CNTNAP2: variants seen among roughly 807,000 people sequenced by gnomAD.
The protein encoded by CNTNAP2 is contactin associated protein 2, also known as contactin-associated protein-like 2.
A neutral mutation model predicts 155.2 loss-of-function variants in CNTNAP2; 98 were observed. That is an observed-to-expected ratio of 0.63 (90% CI 0.54 to 0.75). CNTNAP2 has a LOEUF of 0.75. Among genes scored for constraint, CNTNAP2 ranks in the 30% least tolerant of loss-of-function variants. CNTNAP2 has a pLI of 0.00. For missense variants in CNTNAP2, 1,727 were observed against 1,688.1 expected (o/e 1.02, Z -0.40); for synonymous variants, 651 against 631.2 (o/e 1.03, Z -0.47).
intron 1 of CNTNAP2, among the ~76,000 whole-genome samples, chr7:146,730,186 A>G (rs561734092): frequency 1.3e-5 from 2 of 152,338 alleles, no homozygotes; most frequent in African/African-American, 2.4e-5. Flanking sequence ...GATGAAAATA[A>G]TATATCTAAC....
chr7:147,539,340 C>T (rs1210590193), intron 11 of CNTNAP2, among the ~76,000 whole-genome samples: 1 of 152,076 alleles, frequency 6.6e-6, no homozygotes, highest in Non-Finnish European at 1.5e-5. Flanking sequence ...GTGCTATTCC[C>T]CTTCTACAGA....
chr7:146,415,703 T>TA (rs965886013), intron 1 of CNTNAP2, among the ~76,000 whole-genome samples: 3 of 150,738 alleles, frequency 2.0e-5, no homozygotes, highest in East Asian at 3.9e-4. Context: ...TAAAAAAATT[T>TA]AAAAAAAATT....
At chr7:148,031,396 C>A (rs1001630903) in intron 15 of CNTNAP2, among the ~76,000 whole-genome samples, 1 of 152,168 alleles carries the variant, frequency 6.6e-6, no homozygotes, top group Admixed American at 6.5e-5. Context: ...CTTAAAGCCT[C>A]CTTGGTCAAC....
At chr7:147,211,098 ATGTAT>A (rs1395528804) in intron 8 of CNTNAP2, among the ~76,000 whole-genome samples, 2 of 151,454 alleles carry the variant, frequency 1.3e-5, no homozygotes, top group African/African-American at 4.9e-5. Flanking sequence ...GCAGATGATA[ATGTAT>A]TGTATAGTTG....
At chr7:147,917,399 G>A (rs1402992790) in intron 14 of CNTNAP2, among the ~76,000 whole-genome samples, 4 of 152,188 alleles carry the variant, frequency 2.6e-5, no homozygotes. Flanking sequence ...TGCATGTAAA[G>A]GAAGTCCAGG....
rs147654360 is a variant in CNTNAP2 at position 147,682,654 on chromosome 7, A to G, written c.2098+43348A>G. ...ATTGGGACTCTTACATTTACAGCTC[A>G]CACACATCACACCCAAGCACACGTT... On this transcript the variant is annotated intron_variant, in intron 13 of 23. Coordinates refer to ENST00000361727, the MANE Select transcript of CNTNAP2 (RefSeq NM_014141.6). Among the ~76,000 whole-genome samples, 3 of 151,922 alleles carry G rather than the reference A, an allele frequency of 2.0e-5. No individual in the cohort carries two copies. The East Asian group carries it at 5.8e-4, about 29-fold the overall frequency.
At chr7:146,588,552 G>A (rs2129149040) in intron 1 of CNTNAP2, among the ~76,000 whole-genome samples, 1 of 151,052 alleles carries the variant, frequency 6.6e-6, no homozygotes. Flanking sequence ...TGTCAATCAG[G>A]CTGAGGTGCA....
intron 1 of CNTNAP2, among the ~76,000 whole-genome samples, chr7:146,307,995 A>C (rs1358191810): frequency 6.6e-6 from 1 of 152,208 alleles, no homozygotes; most frequent in Non-Finnish European, 1.5e-5. Flanking sequence ...ATTAAACTAA[A>C]GAGCTTCTGC....
intron 1 of CNTNAP2, among the ~76,000 whole-genome samples, chr7:146,376,701 A>C (rs1290628830): frequency 6.6e-6 from 1 of 152,162 alleles, no homozygotes; most frequent in Non-Finnish European, 1.5e-5. Context: ...CATGTGTCTC[A>C]TCCAAATCTC....
At chr7:148,112,415 GTATTATTATTATTAT>G (rs34816770) in intron 15 of CNTNAP2, among the ~76,000 whole-genome samples, 1 of 148,566 alleles carries the variant, frequency 6.7e-6, no homozygotes, top group African/African-American at 2.5e-5. Flanking sequence ...CTAAATTTTA[GTATTATTATTATTAT>G]TATTATTATT....
At chr7:147,913,371 A>C (rs555197713) in intron 14 of CNTNAP2, among the ~76,000 whole-genome samples, 44 of 152,348 alleles carry the variant, frequency 2.9e-4, no homozygotes, top group Admixed American at 1.7e-3. Flanking sequence ...GAAAAGCCAC[A>C]AAAGTGATCT....
At chr7:147,247,904 G>A (rs1804100713) in intron 8 of CNTNAP2, among the ~76,000 whole-genome samples, 2 of 151,994 alleles carry the variant, frequency 1.3e-5, no homozygotes, top group Admixed American at 6.6e-5. Context: ...TCAGTTTTAG[G>A]TATATAGAAA....
intron 1 of CNTNAP2, among the ~76,000 whole-genome samples, chr7:146,254,988 T>C (rs1799816071): frequency 6.6e-6 from 1 of 152,026 alleles, no homozygotes; most frequent in Non-Finnish European, 1.5e-5. Flanking sequence ...GATTGCATGA[T>C]ATCAGAATGG....
intron 14 of CNTNAP2, among the ~76,000 whole-genome samples, chr7:147,929,688 C>A (rs999133838): frequency 4.6e-5 from 7 of 152,118 alleles, no homozygotes; most frequent in African/African-American, 1.7e-4. Context: ...TAAAGCCACC[C>A]TATTTCAAAT....
chr7:146,740,076 G>A (rs988637139), intron 1 of CNTNAP2, among the ~76,000 whole-genome samples: 1 of 151,892 alleles, frequency 6.6e-6, no homozygotes, highest in African/African-American at 2.4e-5. Flanking sequence ...TTTAAATCCT[G>A]TGATATGAAA....
chr7:147,196,613 C>T (rs190909185), intron 8 of CNTNAP2, among the ~76,000 whole-genome samples: 1 of 152,274 alleles, frequency 6.6e-6, no homozygotes, highest in Admixed American at 6.5e-5. Flanking sequence ...TGCCTGAACA[C>T]AAAGGAATAA....
At chr7:146,541,579 G>A (rs1298508580) in intron 1 of CNTNAP2, among the ~76,000 whole-genome samples, 2 of 151,940 alleles carry the variant, frequency 1.3e-5, no homozygotes, top group Admixed American at 1.3e-4. Context: ...TAGGCCTGAT[G>A]TTTTCCTATT....
At chr7:146,975,353 TACTC>T (rs1484486169) in intron 3 of CNTNAP2, among the ~76,000 whole-genome samples, 3 of 152,046 alleles carry the variant, frequency 2.0e-5, no homozygotes, top group African/African-American at 4.8e-5. Flanking sequence ...TAGTCCCAGA[TACTC>T]AGGAGGCTGA....
chr7:147,679,290 G>T (rs1470402421), intron 13 of CNTNAP2, among the ~76,000 whole-genome samples: 4 of 151,782 alleles, frequency 2.6e-5, no homozygotes, highest in African/African-American at 9.7e-5. Flanking sequence ...TTTGGTTCAG[G>T]AACATCCATT....
Sources: allele counts gnomAD v4.1 joint callset (sites outside exome capture counted in the v4.1 genomes callset), GRCh38; gene constraint gnomAD v4.1.1; transcripts MANE v1.5; gene names NCBI Gene and HGNC (gene_info 2026-07-23, HGNC 2026-07-21).